Variants in POU2F1 observed in about 807,000 individuals in gnomAD.
POU2F1 encodes POU domain, class 2, transcription factor 1.
A neutral mutation model predicts 84.9 loss-of-function variants in POU2F1; 16 were observed. That is an observed-to-expected ratio of 0.19 (90% CI 0.13 to 0.29). The LOEUF (loss-of-function observed/expected upper bound fraction) is 0.29, where lower values mean the gene tolerates loss of function less well. Ranked by LOEUF, POU2F1 falls within the 10% of genes least tolerant of loss-of-function variation. The pLI is 1.00. For missense variants in POU2F1, 738 were observed against 942.6 expected (o/e 0.78, Z 2.84); for synonymous variants, 368 against 368.3 (o/e 1.00, Z 0.01).
intron 1 of POU2F1, among the ~76,000 whole-genome samples, chr1:167,265,720 C>A (rs560035066): frequency 3.3e-5 from 5 of 151,256 alleles, no homozygotes; most frequent in African/African-American, 1.2e-4. Flanking sequence ...TTGGCAATGA[C>A]TGGAGACATT....
intron 3 of POU2F1, among the ~76,000 whole-genome samples, chr1:167,366,384 C>T (rs757473196): frequency 9.9e-5 from 15 of 152,146 alleles, no homozygotes; most frequent in Non-Finnish European, 1.3e-4. Context: ...CAGTGAAAAA[C>T]CCATATGTAC....
intron 1 of POU2F1, among the ~76,000 whole-genome samples, chr1:167,224,419 A>C (rs981260440): frequency 6.6e-6 from 1 of 152,216 alleles, no homozygotes; most frequent in Non-Finnish European, 1.5e-5. Flanking sequence ...ATAAGGTAGA[A>C]TACTCACAGG....
At chr1:167,296,051 G>A (rs966333551) in intron 1 of POU2F1, among the ~76,000 whole-genome samples, 1 of 151,448 alleles carries the variant, frequency 6.6e-6, no homozygotes, top group Admixed American at 6.6e-5. Context: ...TTTCTGTACA[G>A]TTAAGTCGTG....
chr1:167,309,173 T>G (rs1302617452), intron 1 of POU2F1, among the ~76,000 whole-genome samples: 1 of 152,002 alleles, frequency 6.6e-6, no homozygotes, highest in Non-Finnish European at 1.5e-5. Flanking sequence ...AGTCAAGATG[T>G]GGGTGCCAAG....
chr1:167,323,596 T>C (rs986033495), intron 1 of POU2F1, among the ~76,000 whole-genome samples: 2 of 152,232 alleles, frequency 1.3e-5, no homozygotes, highest in African/African-American at 2.4e-5. Flanking sequence ...TTCCATGGTA[T>C]GTCTACCAGT....
chr1:167,391,232 G>A (rs778127109), intron 9 of POU2F1, among the ~76,000 whole-genome samples: 23 of 151,982 alleles, frequency 1.5e-4, no homozygotes, highest in Non-Finnish European at 2.5e-4. Context: ...GAGCCACTGC[G>A]CCCAGCCTGC....
intron 1 of POU2F1, among the ~76,000 whole-genome samples, chr1:167,311,026 T>A (rs2102600081): frequency 6.6e-6 from 1 of 152,230 alleles, no homozygotes; most frequent in Non-Finnish European, 1.5e-5. Flanking sequence ...ATCTGAATGC[T>A]GGGAAGAGAG....
At chr1:167,309,901 C>A (rs1655340722) in intron 1 of POU2F1, among the ~76,000 whole-genome samples, 1 of 152,038 alleles carries the variant, frequency 6.6e-6, no homozygotes, top group Admixed American at 6.5e-5. Context: ...TGAAAACATT[C>A]CATCATTTAT....
intron 1 of POU2F1, among the ~76,000 whole-genome samples, chr1:167,247,098 CAG>C (rs1650384297): frequency 1.4e-5 from 2 of 148,000 alleles, no homozygotes. Flanking sequence ...CTTAAAGAAA[CAG>C]GGTCTCACTC....
At chr1:167,294,071 G>A (rs142145077) in intron 1 of POU2F1, among the ~76,000 whole-genome samples, 2,309 of 149,914 alleles carry the variant, frequency 0.015, 64 homozygotes, top group African/African-American at 0.054. Context: ...GGTGGCTCAC[G>A]CCTGTAATCC....
intron 1 of POU2F1, among the ~76,000 whole-genome samples, chr1:167,312,403 A>G (rs1431070682): frequency 1.3e-5 from 2 of 151,922 alleles, no homozygotes; most frequent in Non-Finnish European, 2.9e-5. Context: ...TTGTATTTTT[A>G]GTAGAAATGA....
chr1:167,350,416 G>T (rs188258015), intron 2 of POU2F1, among the ~76,000 whole-genome samples: 1 of 152,022 alleles, frequency 6.6e-6, no homozygotes, highest in Non-Finnish European at 1.5e-5. Context: ...CTATTTTGTC[G>T]TCTGTGTGAT....
At chr1:167,294,320 G>T (rs1346162084) in intron 1 of POU2F1, among the ~76,000 whole-genome samples, 1 of 151,900 alleles carries the variant, frequency 6.6e-6, no homozygotes, top group Non-Finnish European at 1.5e-5. Flanking sequence ...CTGCACTCCA[G>T]CCTGGGCGAC....
chr1:167,229,390 T>C lies in POU2F1; in HGVS notation c.61+8432T>C, dbSNP rs188291309. Among the ~76,000 whole-genome samples the C allele has an allele frequency of 3.3e-3, 509 of 152,260 alleles. 3 individuals carry two copies. The highest frequency in any genetic ancestry group is 0.012 in the African/African-American group (491 of 41,556). ...TTGAGACATGTTTGGGTGGGTCTTA[T>C]TGGGTTGTAGATTCCTTGTGAAAAT... On this transcript the variant is annotated intron_variant, in intron 1 of 15. Transcript: ENST00000367866.
At chr1:167,403,627 TTATTTA>T (rs1170774027) in intron 13 of POU2F1, among the ~76,000 whole-genome samples, 6 of 152,242 alleles carry the variant, frequency 3.9e-5, no homozygotes, top group Non-Finnish European at 2.9e-5. Flanking sequence ...CTTTATCATG[TTATTTA>T]TTAAAGACGG....
chr1:167,402,855 T>C (rs959232563), intron 13 of POU2F1, among the ~76,000 whole-genome samples: 2 of 152,226 alleles, frequency 1.3e-5, no homozygotes, highest in African/African-American at 4.8e-5. Context: ...TGACTGCCAG[T>C]CACCTGGTAA....
At chr1:167,256,675 G>A (rs1311404334) in intron 1 of POU2F1, among the ~76,000 whole-genome samples, 2 of 152,268 alleles carry the variant, frequency 1.3e-5, no homozygotes, top group South Asian at 2.1e-4. Flanking sequence ...GAAAAGTTAC[G>A]AAATGATAGT....
intron 6 of POU2F1, among the ~76,000 whole-genome samples, chr1:167,374,619 T>C (rs540233919): frequency 2.0e-5 from 3 of 152,338 alleles, no homozygotes; most frequent in Non-Finnish European, 4.4e-5. Context: ...ACAGCAGACA[T>C]GGATTTTTTT....
At chr1:167,325,367 A>G (rs1432891702) in intron 1 of POU2F1, among the ~76,000 whole-genome samples, 1 of 152,174 alleles carries the variant, frequency 6.6e-6, no homozygotes, top group Non-Finnish European at 1.5e-5. Context: ...TTGTTCAACT[A>G]GTTATATGGT....
Sources: allele counts gnomAD v4.1 joint callset (sites outside exome capture counted in the v4.1 genomes callset), GRCh38; gene constraint gnomAD v4.1.1; transcripts MANE v1.5; gene names NCBI Gene and HGNC (gene_info 2026-07-23, HGNC 2026-07-21).